Variants in HRH2 observed in about 807,000 individuals in gnomAD.
HRH2 encodes histamine receptor H2, also known as histamine H2 receptor.
In HRH2, 4 loss-of-function variants were observed where a neutral mutation model predicts 20.1. That is an observed-to-expected ratio of 0.20 (90% CI 0.10 to 0.45). The LOEUF (loss-of-function observed/expected upper bound fraction) is 0.45, where lower values mean the gene tolerates loss of function less well. Ranked by LOEUF, HRH2 falls within the 20% of genes least tolerant of loss-of-function variation. The pLI is 0.99. For synonymous variants in HRH2, 197 were observed against 200.7 expected (o/e 0.98, Z 0.16); for missense variants, 250 against 461.6 (o/e 0.54, Z 4.20).
rs1003986945 is a variant in HRH2, at chr5:175,708,315, C to T, written c.*344C>T. The T allele has an allele frequency of 1.0e-5, 2 of 200,352 alleles. No individual in the cohort carries two copies. The highest frequency in any genetic ancestry group is 2.0e-5 in the Non-Finnish European group (2 of 100,354). 12.4% of individuals were successfully genotyped at this position (200,352 alleles called of 1,614,324 possible). A position where few individuals can be genotyped will look rare whatever the true frequency, so the allele number is the denominator to read the frequency against. On this transcript the variant is annotated 3_prime_UTR_variant, in exon 3 of 3. Transcript: ENST00000636584. Reference sequence around the variant, plus strand: ...GTGCATGGGTGCATACGTGTAGGGACGTGCATGACCTCTGAGCAAGGCAGA... The same window carrying T: ...GTGCATGGGTGCATACGTGTAGGGATGTGCATGACCTCTGAGCAAGGCAGA...
intron 1 of HRH2, among the ~76,000 whole-genome samples, chr5:175,673,382 AGG>A (rs1280665248): frequency 6.6e-6 from 1 of 152,110 alleles, no homozygotes; most frequent in African/African-American, 2.4e-5. Flanking sequence ...GAGGCTGGGG[AGG>A]AGCAGGTTAG....
rs371715136 is a variant in HRH2 at position 175,683,992 on chromosome 5, G to A, written c.759G>A (p.Ala253=). 2.8e-5 allele frequency: 45 copies of A among 1,614,180 alleles called. No homozygotes were observed. Among genetic ancestry groups the A allele is most frequent in the South Asian group, 7.7e-5 (7 of 91,084 alleles). Residue 253 remains alanine, a synonymous_variant, in exon 2 of 3, where the codon GCG becomes GCA. Coordinates refer to ENST00000636584, the MANE Select transcript of HRH2 (RefSeq NM_001367711.1). The part of the protein sequence containing the change: ...FIICWFPYFT[A]FVYRGLRGDD... Reference sequence around the variant, plus strand: ...TCTGCTGGTTTCCCTACTTCACCGCGTTTGTGTACCGTGGGCTGAGAGGGG... The same window carrying A: ...TCTGCTGGTTTCCCTACTTCACCGCATTTGTGTACCGTGGGCTGAGAGGGG...
intron 1 of HRH2, among the ~76,000 whole-genome samples, chr5:175,665,891 CA>C (rs1762873470): frequency 6.6e-6 from 1 of 151,090 alleles, no homozygotes; most frequent in South Asian, 2.1e-4. Flanking sequence ...GCAGAGACCA[CA>C]AGATATTTTT....
intron 2 of HRH2, among the ~76,000 whole-genome samples, chr5:175,684,807 TG>T (rs964036273): frequency 8.0e-5 from 12 of 149,730 alleles, no homozygotes; most frequent in Admixed American, 1.3e-4. Flanking sequence ...GCTCTTACCG[TG>T]GGGGGGGTGT....
At chr5:175,674,955 C>A (rs1219234038) in intron 1 of HRH2, among the ~76,000 whole-genome samples, 3 of 152,228 alleles carry the variant, frequency 2.0e-5, no homozygotes, top group Non-Finnish European at 4.4e-5. Flanking sequence ...CAACTGCAAT[C>A]ATGCCATCTC....
chr5:175,664,521 A>C (rs759840594), intron 1 of HRH2, among the ~76,000 whole-genome samples: 1 of 152,150 alleles, frequency 6.6e-6, no homozygotes, highest in African/African-American at 2.4e-5. Context: ...GGCATTCAGG[A>C]TGATTAGGCT....
At chr5:175,680,189 A>G (rs938352845) in intron 1 of HRH2, among the ~76,000 whole-genome samples, 25 of 152,224 alleles carry the variant, frequency 1.6e-4, no homozygotes, top group African/African-American at 5.8e-4. Flanking sequence ...CCTTGTGCAC[A>G]TATCCTCATG....
intron 1 of HRH2, among the ~76,000 whole-genome samples, chr5:175,680,401 A>G (rs1033162045): frequency 1.3e-5 from 2 of 152,210 alleles, no homozygotes; most frequent in Non-Finnish European, 2.9e-5. Flanking sequence ...GGAGGCCCCC[A>G]CATACCAAAC....
At chr5:175,676,834 T>A (rs1422079956) in intron 1 of HRH2, among the ~76,000 whole-genome samples, 1 of 152,228 alleles carries the variant, frequency 6.6e-6, no homozygotes, top group African/African-American at 2.4e-5. Flanking sequence ...AATATTTGAC[T>A]CCAGTTGCAC....
Position 175,683,522 on chromosome 5 carries a change from C to T in HRH2, c.289C>T (p.Leu97=). ...GKVFCNIYTS[L]DVMLCTASIL... ...GGTCTTCTGCAATATCTACACCAGC[C>T]TGGATGTGATGCTCTGCACAGCCTC... Residue 97 remains leucine, a synonymous_variant, in exon 2 of 3, where the codon CTG becomes TTG. Coordinates refer to ENST00000636584, the MANE Select transcript of HRH2 (RefSeq NM_001367711.1). 1.2e-6 allele frequency: 2 copies of T among 1,614,210 alleles called. No homozygotes were observed. Among genetic ancestry groups the T allele is most frequent in the African/African-American group, 2.7e-5 (2 of 75,046 alleles).
intron 2 of HRH2, among the ~76,000 whole-genome samples, chr5:175,689,012 T>C (rs1048087011): frequency 2.6e-5 from 4 of 152,170 alleles, no homozygotes; most frequent in African/African-American, 9.7e-5. Context: ...TCAATACTCC[T>C]GATGCCTGGA....
In HRH2 at chr5:175,677,838, C is replaced by G. The variant is rs1755810684; in HGVS notation, c.-525-4871C>G. Reference sequence around the variant, plus strand: ...CTGATCTGCAGCAGGAGGTCAGGGACCCTGCGCCACTTTTCCCGCCTTCCA... The same window carrying G: ...CTGATCTGCAGCAGGAGGTCAGGGAGCCTGCGCCACTTTTCCCGCCTTCCA... On this transcript the variant is annotated intron_variant, in intron 1 of 2. Transcript: ENST00000636584. The surrounding 1 kb of genome is among the most constrained non-coding windows in gnomAD (Gnocchi z 4.2). Among the ~76,000 whole-genome samples the G allele has an allele frequency of 2.6e-5, 4 of 152,198 alleles. No individual in the cohort carries two copies. The highest frequency in any genetic ancestry group is 4.8e-5 in the African/African-American group (2 of 41,446).
intron 1 of HRH2, among the ~76,000 whole-genome samples, chr5:175,658,695 G>A (rs952880577): frequency 6.7e-6 from 1 of 150,072 alleles, no homozygotes. Context: ...TCATCCCGCT[G>A]GGCTGCCGCC....
rs888017652 is a variant in HRH2 at position 175,687,623 on chromosome 5, G to A, written c.1076+3314G>A. Among the ~76,000 whole-genome samples, 4 of 151,820 alleles carry A rather than the reference G, an allele frequency of 2.6e-5. No individual in the cohort carries two copies. The highest frequency in any genetic ancestry group is 4.1e-4 in the South Asian group (2 of 4,820). ...GGGGCCCCGGCTGGTCCCACCATTC[G>A]AGAACCTGCTGGCTGCCTTATGGGC... On this transcript the variant is annotated intron_variant, in intron 2 of 2. Coordinates refer to ENST00000636584, the MANE Select transcript of HRH2 (RefSeq NM_001367711.1). The surrounding 1 kb of genome is among the most constrained non-coding windows in gnomAD (Gnocchi z 5.2).
At chr5:175,697,391 A>T (rs1226085226) in intron 2 of HRH2, among the ~76,000 whole-genome samples, 1 of 148,146 alleles carries the variant, frequency 6.8e-6, no homozygotes, top group Non-Finnish European at 1.5e-5. Flanking sequence ...TGAACCCAAG[A>T]GGCGGAGCTT....
intron 1 of HRH2, among the ~76,000 whole-genome samples, chr5:175,662,867 C>T (rs1407198416): frequency 6.6e-6 from 1 of 152,204 alleles, no homozygotes; most frequent in Non-Finnish European, 1.5e-5. Context: ...AACCACAGGT[C>T]TACTTTCCCT....
chr5:175,670,919 T>C (rs1300038108), intron 1 of HRH2, among the ~76,000 whole-genome samples: 1 of 152,230 alleles, frequency 6.6e-6, no homozygotes, highest in Non-Finnish European at 1.5e-5. Flanking sequence ...AATGCAGTAG[T>C]GGGCACACAG....
chr5:175,660,192 G>C (rs1332462207), intron 1 of HRH2, among the ~76,000 whole-genome samples: 2 of 152,214 alleles, frequency 1.3e-5, no homozygotes, highest in African/African-American at 4.8e-5. Context: ...ATTCAGACTA[G>C]AGGAAGAAAT....
At chr5:175,685,780 A>C in intron 2 of HRH2, 2 of 494,680 alleles carry the variant, frequency 4.0e-6, no homozygotes. Flanking sequence ...CCATCTCCCA[A>C]TAGGACATAA....
Sources: allele counts gnomAD v4.1 joint callset (sites outside exome capture counted in the v4.1 genomes callset), GRCh38; gene constraint gnomAD v4.1.1; non-coding constraint Gnocchi (gnomAD v3.1); transcripts MANE v1.5; gene names NCBI Gene and HGNC (gene_info 2026-07-23, HGNC 2026-07-21).